CDAN1: variants seen among roughly 807,000 people sequenced by gnomAD.
The protein encoded by CDAN1 is codanin 1.
CDAN1 carries 107 observed loss-of-function variants against 139.8 expected under a neutral mutation model. The ratio of observed to expected loss-of-function variants is 0.77; its 90% CI spans 0.65 to 0.90. The LOEUF (loss-of-function observed/expected upper bound fraction) is 0.90. Ranked by LOEUF, CDAN1 falls within the 40% of genes least tolerant of loss-of-function variation. The probability of loss-of-function intolerance (pLI) is 0.00; values close to 1 mark genes in which losing one functional copy is unlikely to be tolerated. For synonymous variants in CDAN1, 776 were observed against 660.6 expected (o/e 1.17, Z -2.68); for missense variants, 1,667 against 1,575.7 (o/e 1.06, Z -0.98).
chr15:42,736,851 C>T, intron 1 of CDAN1, 71 bp from the exon 2 acceptor site: 1 of 1,454,718 alleles, frequency 6.9e-7, no homozygotes, highest in Admixed American at 2.5e-5. Context: ...CAGCCGGGGC[C>T]GTAGGGCGCG....
chr15:42,730,727 C>T lies in CDAN1; in HGVS notation c.2045G>A (p.Arg682Gln), dbSNP rs201057681. ...PVLDVRTLLQRGLQARRAVLT... is the reference protein window; with the variant it reads ...PVLDVRTLLQQGLQARRAVLT... ...CACCGCCCGGCGGGCCTGCAGCCCTCGCTGCAGCAGAGTCCGCACATCCAG... is the reference window on the plus strand; with the variant it reads ...CACCGCCCGGCGGGCCTGCAGCCCTTGCTGCAGCAGAGTCCGCACATCCAG... Residue 682 changes from arginine to glutamine, a missense_variant, in exon 14 of 28, where the codon CGA becomes CAA. Coordinates refer to ENST00000356231, the MANE Select transcript of CDAN1 (RefSeq NM_138477.4). The T allele has an allele frequency of 7.2e-5, 116 of 1,612,754 alleles. No individual in the cohort carries two copies. Among genetic ancestry groups the T allele is most frequent in the African/African-American group, 1.3e-4 (10 of 75,028 alleles).
intron 11 of CDAN1, 70 bp downstream of exon 11, chr15:42,731,550 T>C: frequency 6.5e-7 from 1 of 1,541,832 alleles, no homozygotes; most frequent in East Asian, 2.2e-5. Context: ...TGGAGAACTA[T>C]TTACCCTTTT....
Position 42,724,527 on chromosome 15 carries a change from C to T in CDAN1, c.3648G>A (p.Val1216=), listed in dbSNP as rs138934554. ...CCAGCACAGTGCCCCGGTTTGGCTG[C>T]ACCAACTCACAGGCTCTTAGCTGGG... ...PEPQLRACEL[V]QPNRGTVLAQ... is the part of the protein sequence containing the mutation. Residue 1216 remains valine, a synonymous_variant, in exon 28 of 28, where the codon GTG becomes GTA. Transcript: ENST00000356231. The T allele has an allele frequency of 2.4e-5, 38 of 1,570,182 alleles. No homozygotes were observed. The East Asian group carries it at 7.0e-4, about 29-fold the overall frequency.
At chr15:42,726,970 G>C (rs1266784416) in intron 23 of CDAN1, 5 of 157,566 alleles carry the variant, frequency 3.2e-5, no homozygotes, top group African/African-American at 7.2e-5. Context: ...CCCTAGACCA[G>C]AACCAGACAG....
In CDAN1 at chr15:42,724,685, T is replaced by TAAAG. The variant is rs111380239; in HGVS notation, c.3559-73_3559-70dup. 0.017 allele frequency: 25,726 copies of TAAAG among 1,526,246 alleles called. 1,545 individuals carry two copies. In the African/African-American group the frequency reaches 0.18, roughly 11 times the overall value. The allele number at this position is 1,526,246 out of a possible 1,614,324, so 94.5% of individuals were successfully genotyped here. A position where few individuals can be genotyped will look rare whatever the true frequency, so the allele number is the denominator to read the frequency against. On this transcript the variant is annotated intron_variant, in intron 27 of 27. Transcript: ENST00000356231. ...TTCTCAATGGCTCATCCTTTGTCAC[T>TAAAG]AAAGACCACAACCTGGCTGGCTATA... is the stretch of plus-strand genomic sequence containing the variant.
rs770201920 is a variant in CDAN1, at chr15:42,732,364, A to AAGTGGC, written c.1496_1501dup (p.His500_Phe501insCysHis). ...TAGTTGTTTTTGGAAAAGCCGAACA[A>AAGTGGC]AGTGGCTGTGGCTGCAGGCTGCGGA... On this transcript the variant is annotated inframe_insertion, in exon 10 of 28. Coordinates refer to ENST00000356231, the MANE Select transcript of CDAN1 (RefSeq NM_138477.4). 6.8e-6 allele frequency: 11 copies of AAGTGGC among 1,614,014 alleles called. No individual in the cohort carries two copies. Among genetic ancestry groups the AAGTGGC allele is most frequent in the Non-Finnish European group, 1.7e-6 (2 of 1,180,002 alleles).
At chr15:42,730,550 T>A in intron 14 of CDAN1, 48 bp downstream of exon 14, 1 of 1,604,118 alleles carries the variant, frequency 6.2e-7, no homozygotes, top group Non-Finnish European at 8.5e-7. Flanking sequence ...TTGACCAATG[T>A]CCCGAGTCCC....
rs2061490854 is a variant in CDAN1 at position 42,723,940 on chromosome 15, C to T, written c.*551G>A. 6.0e-6 allele frequency: 1 copy of T among 165,738 alleles called. No individual in the cohort carries two copies. The highest frequency in any genetic ancestry group is 5.7e-5 in the Admixed American group (1 of 17,560). 10.3% of individuals were successfully genotyped at this position (165,738 alleles called of 1,614,324 possible). ...GCCAGGCTGGTCTTGAATTCCTGAC[C>T]TCAGGCAGTCCGCCGACCTCAGGCC... On this transcript the variant is annotated 3_prime_UTR_variant, in exon 28 of 28. Coordinates refer to ENST00000356231, the MANE Select transcript of CDAN1 (RefSeq NM_138477.4).
rs199787046 is a variant in CDAN1, at chr15:42,735,887, A to G, written c.761T>C (p.Leu254Pro). Residue 254 changes from leucine to proline, a missense_variant, in exon 3 of 28, where the codon CTC becomes CCC. Physicochemically the swap from Leu to Pro is moderately conservative, Grantham distance 98. Coordinates refer to ENST00000356231, the MANE Select transcript of CDAN1 (RefSeq NM_138477.4). ...GGCCAGGCCATACCGCTCCTTCCTGAGCATCTCTCGCTCCTCTTGCAGACT... is the reference window on the plus strand; with the variant it reads ...GGCCAGGCCATACCGCTCCTTCCTGGGCATCTCTCGCTCCTCTTGCAGACT... ...CRSLQEEREM[L>P]RKERSKQLQQ... 10 of 1,614,106 alleles carry G rather than the reference A, an allele frequency of 6.2e-6. No homozygotes were observed. The highest frequency in any genetic ancestry group is 8.5e-6 in the Non-Finnish European group (10 of 1,180,008).
At position 42,727,720 on chromosome 15, in the gene CDAN1, G is replaced by A. The variant is rs2061549691; in HGVS notation, c.2997C>T (p.Ala999=). ...VKAAVSRTLR[A]QGPEPAARGE... ...CCCGGGCAGCAGGTTCAGGACCCTGGGCTCGAAGTGTGCGACTCACTGCTG... is the reference window on the plus strand; with the variant it reads ...CCCGGGCAGCAGGTTCAGGACCCTGAGCTCGAAGTGTGCGACTCACTGCTG... Residue 999 remains alanine (A), a synonymous_variant, in exon 23 of 28, where the codon GCC becomes GCT. Coordinates refer to ENST00000356231, the MANE Select transcript of CDAN1 (RefSeq NM_138477.4). The A allele has an allele frequency of 2.5e-6, 4 of 1,585,706 alleles. No homozygotes were observed. The highest frequency in any genetic ancestry group is 1.7e-6 in the Non-Finnish European group (2 of 1,162,096).
chr15:42,728,241 G>T lies in CDAN1; in HGVS notation c.2831C>A (p.Ala944Asp), dbSNP rs2061559132. Residue 944 changes from alanine to aspartate, a missense_variant, in exon 21 of 28, where the codon GCT becomes GAT. By Grantham distance (126) the Ala-to-Asp change is moderately radical. This residue lies in a region of CDAN1 where 936 missense variants were observed against 844.1 expected (regional missense o/e 1.11). Coordinates refer to ENST00000356231, the MANE Select transcript of CDAN1 (RefSeq NM_138477.4). ...REFCQRKSPGAVRALLPEETP... is the reference protein window; with the variant it reads ...REFCQRKSPGDVRALLPEETP... The stretch of plus-strand genomic sequence containing the variant: ...CTCCTCTGGAAGCAGCGCCCGCACA[G>T]CCCCAGGGCTCTTCCTTTGACAGAA... 1 of 1,613,864 alleles carries T rather than the reference G, an allele frequency of 6.2e-7. No homozygotes were observed. The highest frequency in any genetic ancestry group is 1.7e-5 in the Admixed American group (1 of 60,006).
intron 10 of CDAN1, among the ~76,000 whole-genome samples, chr15:42,732,126 C>T (rs1003286087): frequency 2.9e-4 from 44 of 152,234 alleles, no homozygotes; most frequent in Admixed American, 2.4e-3. Context: ...GCTAGAGGAG[C>T]TGCAGGGCCC....
Position 42,725,556 on chromosome 15 carries a change from G to A in CDAN1, c.3383C>T (p.Pro1128Leu), listed in dbSNP as rs752497862. 5.1e-5 allele frequency: 83 copies of A among 1,614,050 alleles called. No homozygotes were observed. The highest frequency in any genetic ancestry group is 1.6e-4 in the Middle Eastern group (1 of 6,084). ...GCTCAGCAGCAGCTGCAGCGGAACC[G>A]GCCCCTGAAAGTCTTCCTTCCACAA... ...LSLWKEDFQG[P>L]VPLQLLLSPR... Residue 1128 changes from proline (P) to leucine (L), a missense_variant, in exon 26 of 28, where the codon CCG becomes CTG. Pro to Leu is a moderately conservative substitution (Grantham distance 98). Around this residue, in one of 3 missense-constraint regions of CDAN1, gnomAD observed 936 missense variants for 844.1 expected, o/e 1.11. Coordinates refer to ENST00000356231, the MANE Select transcript of CDAN1 (RefSeq NM_138477.4).
Position 42,730,355 on chromosome 15 carries a change from C to T in CDAN1, c.2175-140G>A, listed in dbSNP as rs1482788648. The T allele has an allele frequency of 5.5e-6, 5 of 914,772 alleles. No homozygotes were observed. In the African/African-American group the frequency reaches 6.5e-5, roughly 12 times the overall value. The allele number at this position is 914,772 out of a possible 1,614,324, so 56.7% of individuals were successfully genotyped here. ...GTTGGCAAGCAGGATCCCCCCAGCC[C>T]CGCCTCCTGCATGGGGACTGTCTCT... is the stretch of plus-strand genomic sequence containing the variant. On this transcript the variant is annotated intron_variant, in intron 14 of 27. Coordinates refer to ENST00000356231, the MANE Select transcript of CDAN1 (RefSeq NM_138477.4).
At chr15:42,733,898 T>C (rs767478697) in intron 8 of CDAN1, 40 bp downstream of exon 8, 3 of 1,424,696 alleles carry the variant, frequency 2.1e-6, no homozygotes, top group South Asian at 2.3e-5. Context: ...CAGAAAAATG[T>C]CATCTCATTC....
intron 20 of CDAN1, 94 bp downstream of exon 20, chr15:42,728,558 G>A: frequency 1.3e-6 from 2 of 1,529,094 alleles, no homozygotes; most frequent in Non-Finnish European, 1.8e-6. Context: ...GAGGCATGAA[G>A]AGAAGAAAGG....
At position 42,728,733 on chromosome 15, in the gene CDAN1, C is replaced by G. The variant is rs772114815; in HGVS notation, c.2723G>C (p.Gly908Ala). 3 of 1,614,098 alleles carry G rather than the reference C, an allele frequency of 1.9e-6. No homozygotes were observed. The highest frequency in any genetic ancestry group is 2.2e-5 in the East Asian group (1 of 44,886). ...QEQLVTQGEE[G>A]GDPAQLLEIL... ...CTCCAACAGCTGGGCTGGGTCTCCC[C>G]CTTCCTCTCCCTGTGTCACCAGCTG... is the stretch of plus-strand genomic sequence containing the variant. The change falls in exon 20 of 28, where the codon GGG (glycine) becomes GCG (alanine). Residue 908 changes from glycine to alanine, a missense_variant. By Grantham distance (60) the Gly-to-Ala change is moderately conservative. Transcript: ENST00000356231.
intron 25 of CDAN1, 24 bp downstream of exon 25, chr15:42,726,073 G>A: frequency 6.2e-7 from 1 of 1,610,416 alleles, no homozygotes; most frequent in Non-Finnish European, 8.5e-7. Context: ...GGCAAGAGAG[G>A]GATTTGATGG....
chr15:42,726,562 C>T, intron 23 of CDAN1, 145 bp from the exon 24 acceptor site: 1 of 661,818 alleles, frequency 1.5e-6, no homozygotes, highest in Non-Finnish European at 2.7e-6. Flanking sequence ...GCCCCTAGAC[C>T]TGGGACTTGG....
Sources: gnomAD v4.1 joint callset for allele counts (sites outside exome capture counted in the v4.1 genomes callset) on GRCh38, gnomAD v4.1.1 for gene constraint, gnomAD v4.1.1 regional missense constraint, MANE v1.5 for transcripts, NCBI Gene and HGNC (gene_info 2026-07-23, HGNC 2026-07-21) for gene names.